The following NRXN3 variants were observed in gnomAD, a reference collection of about 807,000 sequenced individuals.
The protein encoded by NRXN3 is neurexin III.
Under a neutral mutation model 137.6 loss-of-function variants are expected in NRXN3, and 32 were observed. The ratio of observed to expected loss-of-function variants is 0.23; its 90% CI spans 0.18 to 0.31. NRXN3 has a LOEUF of 0.31. NRXN3 is among the 10% of genes least tolerant of loss of function. The probability of loss-of-function intolerance (pLI) is 1.00; values close to 1 mark genes in which losing one functional copy is unlikely to be tolerated. For synonymous variants in NRXN3, 798 were observed against 784.5 expected, an observed-to-expected ratio of 1.02 and a Z score of -0.29; for missense variants, 1,574 against 2,062.5, an observed-to-expected ratio of 0.76 and a Z score of 4.59.
intron 16 of NRXN3, among the ~76,000 whole-genome samples, chr14:79,658,056 G>A (rs1378284654): frequency 6.6e-6 from 1 of 152,138 alleles, no homozygotes; most frequent in East Asian, 1.9e-4. Context: ...TAAGTGGACA[G>A]ATAAGTTAGG....
At chr14:78,698,710 A>G (rs756334604) in intron 6 of NRXN3, among the ~76,000 whole-genome samples, 6 of 151,964 alleles carry the variant, frequency 3.9e-5, no homozygotes, top group Non-Finnish European at 8.8e-5. Context: ...TTCTGCTGAG[A>G]CATATACACT....
chr14:79,683,814 T>C (rs554585963), intron 17 of NRXN3, among the ~76,000 whole-genome samples: 2 of 152,298 alleles, frequency 1.3e-5, no homozygotes, highest in Non-Finnish European at 2.9e-5. Context: ...TCCATAGAAC[T>C]TCTTAAGTGT....
chr14:79,770,013 A>T (rs1452161463), intron 19 of NRXN3, among the ~76,000 whole-genome samples: 1 of 152,094 alleles, frequency 6.6e-6, no homozygotes, highest in Admixed American at 6.6e-5. Flanking sequence ...AACAAAGATC[A>T]AAAGAGACAA....
At chr14:78,807,369 T>C (rs1341520093) in intron 9 of NRXN3, among the ~76,000 whole-genome samples, 1 of 152,176 alleles carries the variant, frequency 6.6e-6, no homozygotes, top group Admixed American at 6.5e-5. Context: ...ACCAAACACA[T>C]TATTGAAGAC....
At chr14:78,783,930 C>T (rs911441551) in intron 8 of NRXN3, among the ~76,000 whole-genome samples, 2 of 152,008 alleles carry the variant, frequency 1.3e-5, no homozygotes, top group African/African-American at 2.4e-5. Flanking sequence ...CTTATTTATC[C>T]ACCATCTGTT....
At chr14:79,628,027 G>T (rs1296912731) in intron 16 of NRXN3, among the ~76,000 whole-genome samples, 2 of 151,982 alleles carry the variant, frequency 1.3e-5, no homozygotes, top group East Asian at 3.9e-4. Flanking sequence ...ATAAAAAAAG[G>T]TTTCCTTTTA....
intron 15 of NRXN3, among the ~76,000 whole-genome samples, chr14:79,132,687 CA>C (rs2057709201): frequency 6.6e-6 from 1 of 152,086 alleles, no homozygotes; most frequent in South Asian, 2.1e-4. Context: ...ATAATAAAAG[CA>C]AAACAAAACA....
intron 1 of NRXN3, among the ~76,000 whole-genome samples, chr14:78,202,463 G>A (rs1296238579): frequency 1.3e-5 from 2 of 152,178 alleles, no homozygotes; most frequent in East Asian, 1.9e-4. Flanking sequence ...ACATGCTGCC[G>A]GGGGCCTTCC....
intron 4 of NRXN3, among the ~76,000 whole-genome samples, chr14:78,491,339 T>C (rs1482902758): frequency 2.0e-5 from 3 of 152,150 alleles, no homozygotes. Context: ...GCCACTACCA[T>C]GTGGCCAAGG....
intron 16 of NRXN3, among the ~76,000 whole-genome samples, chr14:79,507,873 C>T (rs572014575): frequency 7.9e-5 from 12 of 152,276 alleles, no homozygotes; most frequent in African/African-American, 2.6e-4. Flanking sequence ...TGAACCACCT[C>T]TTTTGACTCT....
intron 4 of NRXN3, among the ~76,000 whole-genome samples, chr14:78,478,913 T>G (rs2095424772): frequency 6.6e-6 from 1 of 152,192 alleles, no homozygotes; most frequent in Non-Finnish European, 1.5e-5. Flanking sequence ...TAGATGTGTC[T>G]CTTTTTTTTC....
chr14:78,202,175 G>A (rs1296082686), intron 1 of NRXN3, among the ~76,000 whole-genome samples: 2 of 152,304 alleles, frequency 1.3e-5, no homozygotes, highest in East Asian at 3.9e-4. Context: ...CCTGGGTGAA[G>A]TAGGAGGGGG....
At chr14:79,069,857 A>T (rs536978208) in intron 15 of NRXN3, among the ~76,000 whole-genome samples, 12 of 152,170 alleles carry the variant, frequency 7.9e-5, no homozygotes, top group Non-Finnish European at 1.8e-4. Flanking sequence ...TAGGACATGT[A>T]TTATCAGGAC....
intron 15 of NRXN3, among the ~76,000 whole-genome samples, chr14:79,056,429 G>T (rs10134650): frequency 0.99 from 150,858 of 152,264 alleles, 74,757 homozygotes; most frequent in Middle Eastern, 1. Context: ...TTTAAATGAT[G>T]TGCAAGTTCT....
intron 4 of NRXN3, among the ~76,000 whole-genome samples, chr14:78,433,554 C>A (rs1395229025): frequency 2.0e-5 from 3 of 152,082 alleles, no homozygotes; most frequent in African/African-American, 7.2e-5. Flanking sequence ...GTGGGCTGTA[C>A]CCTATGAATG....
chr14:79,355,819 C>T (rs1288706754), intron 15 of NRXN3, among the ~76,000 whole-genome samples: 2 of 152,012 alleles, frequency 1.3e-5, no homozygotes, highest in Non-Finnish European at 2.9e-5. Context: ...CATATCTTTT[C>T]TATTTCATCT....
chr14:79,218,683 CAA>C (rs1216872240), intron 15 of NRXN3, among the ~76,000 whole-genome samples: 1 of 152,082 alleles, frequency 6.6e-6, no homozygotes, highest in African/African-American at 2.4e-5. Context: ...ATTGTTAATA[CAA>C]AAGAGTCTTA....
chr14:79,389,310 A>C (rs1247712170), intron 15 of NRXN3, among the ~76,000 whole-genome samples: 3 of 152,180 alleles, frequency 2.0e-5, no homozygotes, highest in African/African-American at 7.2e-5. Context: ...TCTATGATGA[A>C]AGGTGGAAAA....
chr14:79,478,803 A>G (rs2096581994), intron 16 of NRXN3, among the ~76,000 whole-genome samples: 1 of 152,120 alleles, frequency 6.6e-6, no homozygotes, highest in Non-Finnish European at 1.5e-5. Context: ...AGATGCTGAG[A>G]TGGTTGTAGT....
Sources: allele counts gnomAD v4.1 joint callset (sites outside exome capture counted in the v4.1 genomes callset), GRCh38; gene constraint gnomAD v4.1.1; transcripts MANE v1.5; gene names NCBI Gene and HGNC (gene_info 2026-07-23, HGNC 2026-07-21).